LRMDA: variants seen among roughly 807,000 people sequenced by gnomAD.
The protein encoded by LRMDA is leucine rich melanocyte differentiation associated.
A neutral mutation model predicts 29.8 loss-of-function variants in LRMDA; 18 were observed. That is an observed-to-expected ratio of 0.60 (90% CI 0.42 to 0.90). LRMDA has a LOEUF of 0.90. Among genes scored for constraint, LRMDA ranks in the 40% least tolerant of loss-of-function variants. The pLI is 0.00. For synonymous variants in LRMDA, 125 were observed against 109.4 expected (o/e 1.14, Z -0.89); for missense variants, 273 against 273.9 (o/e 1.00, Z 0.02).
intron 5 of LRMDA, among the ~76,000 whole-genome samples, chr10:76,254,009 A>T (rs1330818484): frequency 1.3e-5 from 2 of 151,862 alleles, no homozygotes; most frequent in African/African-American, 4.8e-5. Context: ...GTCATTTGGG[A>T]TTTCTTTTTT....
At chr10:75,914,370 A>G (rs986977523) in intron 2 of LRMDA, among the ~76,000 whole-genome samples, 2 of 152,174 alleles carry the variant, frequency 1.3e-5, no homozygotes, top group African/African-American at 4.8e-5. Context: ...TATTTATCCC[A>G]TGTGCTGGGA....
At chr10:75,976,174 T>G (rs1195411974) in intron 2 of LRMDA, among the ~76,000 whole-genome samples, 4 of 152,256 alleles carry the variant, frequency 2.6e-5, no homozygotes, top group African/African-American at 9.6e-5. Flanking sequence ...ACTTCATCCC[T>G]GCAGAACTCT....
chr10:76,058,792 C>T lies in LRMDA; in HGVS notation c.516+9C>T. 1 of 1,592,430 alleles carries T rather than the reference C, an allele frequency of 6.3e-7. No individual in the cohort carries two copies. The highest frequency in any genetic ancestry group is 8.6e-7 in the Non-Finnish European group (1 of 1,160,304). On this transcript the variant is annotated intron_variant, in intron 5 of 6. Coordinates refer to ENST00000611255, the MANE Select transcript of LRMDA (RefSeq NM_001305581.2). ...AGGTGGTGAAGCCCAAGGTGAGCTG[C>T]CTACTTGCTGTTCTTCACAAGGGAT...
intron 2 of LRMDA, among the ~76,000 whole-genome samples, chr10:75,831,860 A>T (rs1264661206): frequency 6.6e-6 from 1 of 152,240 alleles, no homozygotes; most frequent in Non-Finnish European, 1.5e-5. Flanking sequence ...CTGAAGCAAT[A>T]GCCTGAGCTG....
intron 2 of LRMDA, among the ~76,000 whole-genome samples, chr10:75,473,859 T>G (rs577544899): frequency 7.2e-5 from 11 of 152,324 alleles, no homozygotes; most frequent in Non-Finnish European, 1.0e-4. Flanking sequence ...GCAGTGGTTC[T>G]CAGTCTGTGC....
chr10:76,455,035 G>A (rs1842443707), intron 6 of LRMDA, among the ~76,000 whole-genome samples: 1 of 152,130 alleles, frequency 6.6e-6, no homozygotes, highest in Admixed American at 6.6e-5. Flanking sequence ...AGTCGGAGAG[G>A]CCATTAAAGG....
intron 2 of LRMDA, among the ~76,000 whole-genome samples, chr10:75,986,482 G>A (rs984582150): frequency 6.6e-6 from 1 of 152,240 alleles, no homozygotes; most frequent in African/African-American, 2.4e-5. Context: ...CATATGAATG[G>A]CTCCAAGAAG....
At chr10:76,437,982 A>G (rs1842262367) in intron 6 of LRMDA, among the ~76,000 whole-genome samples, 1 of 152,162 alleles carries the variant, frequency 6.6e-6, no homozygotes, top group African/African-American at 2.4e-5. Context: ...ATCGCAAGTC[A>G]CTCACCTAGT....
At chr10:76,030,146 C>A (rs1848125377) in intron 2 of LRMDA, among the ~76,000 whole-genome samples, 1 of 152,178 alleles carries the variant, frequency 6.6e-6, no homozygotes, top group Non-Finnish European at 1.5e-5. Flanking sequence ...CTCTGTCTCA[C>A]ATACCCTAGC....
chr10:75,667,987 T>G (rs1841844151), intron 2 of LRMDA, among the ~76,000 whole-genome samples: 1 of 152,238 alleles, frequency 6.6e-6, no homozygotes, highest in Non-Finnish European at 1.5e-5. Flanking sequence ...CACTAACACC[T>G]ATTTCTTCCA....
intron 6 of LRMDA, among the ~76,000 whole-genome samples, chr10:76,489,293 T>C (rs576975616): frequency 9.2e-5 from 14 of 152,092 alleles, no homozygotes; most frequent in Admixed American, 8.5e-4. Context: ...TTTTCCAATT[T>C]ATTGGCATAT....
intron 6 of LRMDA, chr10:76,403,117 C>T (rs896354894): frequency 2.0e-5 from 3 of 151,660 alleles, no homozygotes; most frequent in Admixed American, 2.0e-4. Context: ...CCCCAGATAG[C>T]TCTGTCCTAA....
chr10:75,493,915 G>A (rs138510879), intron 2 of LRMDA, among the ~76,000 whole-genome samples: 1 of 115,796 alleles, frequency 8.6e-6, no homozygotes, highest in Non-Finnish European at 1.9e-5. Flanking sequence ...GTGTGTGTGT[G>A]TGTAAATTAT....
intron 6 of LRMDA, among the ~76,000 whole-genome samples, chr10:76,490,156 T>A (rs192641087): frequency 6.6e-6 from 1 of 152,018 alleles, no homozygotes; most frequent in African/African-American, 2.4e-5. Context: ...TCAGAGAAGA[T>A]GCTTGATATT....
At chr10:76,036,506 G>A (rs1848248974) in intron 3 of LRMDA, among the ~76,000 whole-genome samples, 2 of 152,220 alleles carry the variant, frequency 1.3e-5, no homozygotes, top group East Asian at 1.9e-4. Context: ...TTGTGTGGGA[G>A]GGCGACCTCT....
chr10:75,438,209 T>C (rs998006834), intron 1 of LRMDA, among the ~76,000 whole-genome samples, 185 bp from the exon 2 acceptor site: 4 of 152,176 alleles, frequency 2.6e-5, no homozygotes, highest in Non-Finnish European at 5.9e-5. Flanking sequence ...GGGGAGCTGT[T>C]GGTGGAGTCC....
chr10:75,494,226 T>C (rs1015719330), intron 2 of LRMDA, among the ~76,000 whole-genome samples: 2 of 152,206 alleles, frequency 1.3e-5, no homozygotes, highest in African/African-American at 4.8e-5. Flanking sequence ...ATGATGGCTT[T>C]GATTTAGTAG....
intron 5 of LRMDA, among the ~76,000 whole-genome samples, chr10:76,087,463 CT>C (rs1426284844): frequency 6.6e-6 from 1 of 152,196 alleles, no homozygotes; most frequent in Non-Finnish European, 1.5e-5. Context: ...ACACCCTATG[CT>C]GGTAATTATC....
chr10:76,106,083 A>G (rs1849479582), intron 5 of LRMDA, among the ~76,000 whole-genome samples: 1 of 152,192 alleles, frequency 6.6e-6, no homozygotes. Flanking sequence ...GTTTGTGGTC[A>G]TTTGTTATAG....
Sources: allele counts gnomAD v4.1 joint callset (sites outside exome capture counted in the v4.1 genomes callset), GRCh38; gene constraint gnomAD v4.1.1; transcripts MANE v1.5; gene names NCBI Gene and HGNC (gene_info 2026-07-23, HGNC 2026-07-21).